The following CDH13 variants were observed in gnomAD, a reference collection of about 807,000 sequenced individuals.
The protein encoded by CDH13 is cadherin 13.
A neutral mutation model predicts 63.8 loss-of-function variants in CDH13; 24 were observed. That is an observed-to-expected ratio of 0.38 (90% confidence interval 0.27 to 0.53). The LOEUF (loss-of-function observed/expected upper bound fraction) is 0.53, where lower values mean the gene tolerates loss of function less well. Ranked by LOEUF, CDH13 falls within the 20% of genes least tolerant of loss-of-function variation. The probability of loss-of-function intolerance (pLI) is 0.85; values close to 1 mark genes in which losing one functional copy is unlikely to be tolerated. For synonymous variants in CDH13, 503 were observed against 355.3 expected (o/e 1.42, Z -4.67); for missense variants, 1,049 against 903.1 (o/e 1.16, Z -2.07).
intron 3 of CDH13, among the ~76,000 whole-genome samples, chr16:83,115,741 A>T (rs560477733): frequency 6.6e-6 from 1 of 152,344 alleles, no homozygotes; most frequent in Admixed American, 6.5e-5. Flanking sequence ...TCCTCTTAGC[A>T]AACAAGTTTG....
chr16:83,382,646 C>A (rs186615852), intron 6 of CDH13, among the ~76,000 whole-genome samples: 1 of 152,284 alleles, frequency 6.6e-6, no homozygotes, highest in Admixed American at 6.5e-5. Context: ...TGTCCAATCT[C>A]CACACCCCGT....
intron 1 of CDH13, among the ~76,000 whole-genome samples, chr16:82,847,322 C>G (rs960753027): frequency 6.6e-6 from 1 of 152,168 alleles, no homozygotes; most frequent in African/African-American, 2.4e-5. Flanking sequence ...GGACTAAAAT[C>G]AAGGTGTTGG....
At chr16:82,880,111 A>G (rs2040648827) in intron 2 of CDH13, among the ~76,000 whole-genome samples, 1 of 151,668 alleles carries the variant, frequency 6.6e-6, no homozygotes, top group South Asian at 2.1e-4. Context: ...ACTTTGAGCC[A>G]TGTGAGCAAA....
intron 13 of CDH13, among the ~76,000 whole-genome samples, chr16:83,791,273 G>C (rs755212689): frequency 6.6e-6 from 1 of 152,146 alleles, no homozygotes. Flanking sequence ...TAGGTGGGCC[G>C]ATCACCTGAG....
intron 3 of CDH13, among the ~76,000 whole-genome samples, chr16:83,106,055 C>T (rs992631682): frequency 2.0e-5 from 3 of 152,224 alleles, no homozygotes; most frequent in Admixed American, 1.3e-4. Flanking sequence ...TTTTATTCCA[C>T]TGGTGGGTTA....
At chr16:82,673,551 T>A (rs1395633569) in intron 1 of CDH13, among the ~76,000 whole-genome samples, 11 of 152,150 alleles carry the variant, frequency 7.2e-5, no homozygotes, top group Admixed American at 7.2e-4. Flanking sequence ...AGGTATTAGA[T>A]GAGCATGAGA....
chr16:83,201,778 G>A (rs528944736), intron 4 of CDH13, among the ~76,000 whole-genome samples: 12 of 151,660 alleles, frequency 7.9e-5, no homozygotes, highest in African/African-American at 1.2e-4. Flanking sequence ...TTAGCCGGGC[G>A]TGGTAGCGGG....
chr16:82,710,030 C>T (rs1377931990), intron 1 of CDH13, among the ~76,000 whole-genome samples: 1 of 151,140 alleles, frequency 6.6e-6, no homozygotes, highest in East Asian at 1.9e-4. Context: ...CAAAGACTGC[C>T]TTAAATAAAA....
chr16:83,331,920 C>A (rs2090489129), intron 5 of CDH13, among the ~76,000 whole-genome samples: 1 of 152,044 alleles, frequency 6.6e-6, no homozygotes, highest in Admixed American at 6.5e-5. Context: ...ATACATGTTG[C>A]TACACACATA....
At chr16:83,458,979 T>C (rs1361955707) in intron 6 of CDH13, among the ~76,000 whole-genome samples, 5 of 152,218 alleles carry the variant, frequency 3.3e-5, no homozygotes, top group African/African-American at 1.2e-4. Flanking sequence ...AAACGACAAT[T>C]TTTCATGGGG....
chr16:82,798,889 A>T (rs928924883), intron 1 of CDH13, among the ~76,000 whole-genome samples: 4 of 152,136 alleles, frequency 2.6e-5, no homozygotes, highest in African/African-American at 9.7e-5. Context: ...GAACCCTTGG[A>T]AGTGAGCACA....
intron 8 of CDH13, among the ~76,000 whole-genome samples, chr16:83,666,275 T>G (rs1913941827): frequency 6.6e-6 from 1 of 152,176 alleles, no homozygotes; most frequent in Admixed American, 6.5e-5. Flanking sequence ...AATTATATAA[T>G]GGGGTTAAAA....
chr16:83,081,721 A>AGAGAG (rs1567811569), intron 3 of CDH13, among the ~76,000 whole-genome samples: 5 of 151,546 alleles, frequency 3.3e-5, no homozygotes, highest in African/African-American at 1.2e-4. Context: ...GAGAGAGAGA[A>AGAGAG]AGAGCTCGCA....
intron 2 of CDH13, among the ~76,000 whole-genome samples, chr16:82,970,234 C>T (rs1193214977): frequency 3.3e-5 from 5 of 152,096 alleles, no homozygotes; most frequent in East Asian, 1.9e-4. Flanking sequence ...CAGCTACATC[C>T]GTGATCCTGC....
intron 10 of CDH13, among the ~76,000 whole-genome samples, chr16:83,685,418 TA>T (rs1425645318): frequency 1.3e-5 from 2 of 152,146 alleles, no homozygotes; most frequent in African/African-American, 4.8e-5. Flanking sequence ...ATAATCAAAA[TA>T]ATAGATGATG....
intron 2 of CDH13, among the ~76,000 whole-genome samples, chr16:82,930,614 C>G (rs931185608): frequency 6.6e-6 from 1 of 152,094 alleles, no homozygotes; most frequent in Non-Finnish European, 1.5e-5. Context: ...CCCGTCAGCT[C>G]TCTTTGCAGT....
rs140524297 is a variant in CDH13 at position 83,459,620 on chromosome 16, G to A, written c.782-26857G>A. On this transcript the variant is annotated intron_variant, in intron 6 of 13. Coordinates refer to ENST00000567109, the MANE Select transcript of CDH13 (RefSeq NM_001257.5). ...CCATAGGAAAATGGCTGACAGATTC[G>A]CAGATTTGTGACCGTTTTTCTAATG... 9.2e-5 allele frequency among the ~76,000 whole-genome samples: 14 copies of A among 152,274 alleles called. 1 individual carries two copies. In the South Asian group the frequency reaches 1.4e-3, roughly 16 times the overall value.
chr16:83,443,369 C>G (rs964526753), intron 6 of CDH13, among the ~76,000 whole-genome samples: 1 of 152,124 alleles, frequency 6.6e-6, no homozygotes, highest in African/African-American at 2.4e-5. Flanking sequence ...CACCCACAGA[C>G]AGGACCATCA....
intron 4 of CDH13, among the ~76,000 whole-genome samples, chr16:83,194,566 C>T (rs1284116873): frequency 2.6e-5 from 4 of 152,194 alleles, no homozygotes; most frequent in African/African-American, 9.7e-5. Context: ...ACAGCCATTT[C>T]TATAGCCGAA....
Sources: allele counts gnomAD v4.1 joint callset (sites outside exome capture counted in the v4.1 genomes callset), GRCh38; gene constraint gnomAD v4.1.1; transcripts MANE v1.5; gene names NCBI Gene and HGNC (gene_info 2026-07-23, HGNC 2026-07-21).